Variants in GRIK2 observed in about 807,000 individuals in gnomAD.
GRIK2 encodes glutamate ionotropic receptor kainate type subunit 2, also known as glutamate receptor ionotropic, kainate 2.
GRIK2 carries 32 observed loss-of-function variants against 100.3 expected under a neutral mutation model. That is an observed-to-expected ratio of 0.32 (90% CI 0.24 to 0.43). GRIK2 has a LOEUF of 0.43. Among genes scored for constraint, GRIK2 ranks in the 20% least tolerant of loss-of-function variants. The pLI is 1.00. For synonymous variants in GRIK2, 417 were observed against 389.4 expected (o/e 1.07, Z -0.83); for missense variants, 843 against 1,114.9 (o/e 0.76, Z 3.47).
chr6:101,677,784 A>T (rs1482917885), intron 5 of GRIK2, among the ~76,000 whole-genome samples: 1 of 152,150 alleles, frequency 6.6e-6, no homozygotes, highest in Admixed American at 6.5e-5. Context: ...TCAGATGTCA[A>T]ATTATATCCC....
intron 7 of GRIK2, among the ~76,000 whole-genome samples, chr6:101,747,544 C>A (rs1263049381): frequency 6.6e-6 from 1 of 152,004 alleles, no homozygotes; most frequent in Non-Finnish European, 1.5e-5. Context: ...TAATTAATAT[C>A]TGAATTTTTG....
chr6:101,793,199 C>A (rs1475455382), intron 7 of GRIK2, among the ~76,000 whole-genome samples: 3 of 152,198 alleles, frequency 2.0e-5, no homozygotes, highest in African/African-American at 7.2e-5. Context: ...AAGCCTTCTT[C>A]TCTCAACTTG....
chr6:102,019,244 C>T (rs904828119), intron 14 of GRIK2, among the ~76,000 whole-genome samples: 2 of 151,988 alleles, frequency 1.3e-5, no homozygotes, highest in Non-Finnish European at 2.9e-5. Context: ...AACATGGTAT[C>T]TTTTAGATGG....
At chr6:101,736,277 G>C (rs1775626015) in intron 7 of GRIK2, among the ~76,000 whole-genome samples, 1 of 152,280 alleles carries the variant, frequency 6.6e-6, no homozygotes, top group South Asian at 2.1e-4. Flanking sequence ...GAGGATGGTG[G>C]CCCTTTTCTC....
intron 16 of GRIK2, among the ~76,000 whole-genome samples, chr6:102,058,290 G>A (rs977290029): frequency 4.0e-5 from 6 of 151,548 alleles, no homozygotes; most frequent in African/African-American, 1.5e-4. Context: ...TTTTTTGTTT[G>A]TATCTCCAAG....
intron 2 of GRIK2, among the ~76,000 whole-genome samples, chr6:101,607,562 AG>A: frequency 6.6e-6 from 1 of 152,106 alleles, no homozygotes; most frequent in Non-Finnish European, 1.5e-5. Flanking sequence ...GCTCCCAGCT[AG>A]GGAGTTATTT....
intron 2 of GRIK2, among the ~76,000 whole-genome samples, chr6:101,526,132 T>A (rs1775143970): frequency 6.6e-6 from 1 of 152,206 alleles, no homozygotes; most frequent in South Asian, 2.1e-4. Flanking sequence ...TCAGTGCAGA[T>A]GGCTCACTGT....
intron 2 of GRIK2, among the ~76,000 whole-genome samples, chr6:101,482,416 C>T (rs1359651536): frequency 3.3e-5 from 5 of 152,082 alleles, no homozygotes; most frequent in African/African-American, 1.2e-4. Context: ...TGGGGATCCA[C>T]ACTGGGCAGT....
chr6:101,698,440 A>T (rs2128350724), intron 7 of GRIK2, among the ~76,000 whole-genome samples: 1 of 152,226 alleles, frequency 6.6e-6, no homozygotes, highest in Admixed American at 6.6e-5. Context: ...ATGCAGAGGA[A>T]ATATTATGTT....
At chr6:101,898,242 A>G (rs1275856165) in intron 12 of GRIK2, among the ~76,000 whole-genome samples, 1 of 151,880 alleles carries the variant, frequency 6.6e-6, no homozygotes, top group Non-Finnish European at 1.5e-5. Flanking sequence ...ATTTTAACTT[A>G]TTATGAAGAA....
At chr6:101,478,506 G>T (rs200846177) in intron 2 of GRIK2, among the ~76,000 whole-genome samples, 59 of 119,548 alleles carry the variant, frequency 4.9e-4, no homozygotes, top group East Asian at 3.9e-3. Flanking sequence ...TTCTGTTTTG[G>T]TTTTTTTTTT....
chr6:101,744,866 C>A (rs752976343), intron 7 of GRIK2: 2 of 152,158 alleles, frequency 1.3e-5, no homozygotes, highest in East Asian at 3.9e-4. Context: ...CAGGCAAGAG[C>A]CACTGCACCT....
At chr6:101,993,739 C>A (rs2128492893) in intron 14 of GRIK2, 1 of 149,068 alleles carries the variant, frequency 6.7e-6, no homozygotes, top group East Asian at 2.0e-4. Flanking sequence ...ATAGTTAAAT[C>A]TATTATACTT....
chr6:101,818,576 G>T, intron 10 of GRIK2, 93 bp downstream of exon 10: 2 of 697,316 alleles, frequency 2.9e-6, no homozygotes, highest in Non-Finnish European at 5.1e-6. Context: ...GCAATGAACA[G>T]AATGTATTTT....
At chr6:101,467,949 G>C (rs1308684924) in intron 2 of GRIK2, among the ~76,000 whole-genome samples, 1 of 147,600 alleles carries the variant, frequency 6.8e-6, no homozygotes, top group South Asian at 2.1e-4. Flanking sequence ...TTTTAATCTG[G>C]CAAGGATGTA....
intron 14 of GRIK2, among the ~76,000 whole-genome samples, chr6:102,018,146 ATGTAGTG>A (rs1204330593): frequency 6.6e-6 from 1 of 152,036 alleles, no homozygotes; most frequent in Non-Finnish European, 1.5e-5. Context: ...GCTATTAATA[ATGTAGTG>A]GGAAGATATA....
At chr6:101,642,375 T>C (rs1781313342) in intron 4 of GRIK2, among the ~76,000 whole-genome samples, 1 of 151,764 alleles carries the variant, frequency 6.6e-6, no homozygotes, top group Non-Finnish European at 1.5e-5. Context: ...AACTTTTGTA[T>C]GCACTAAACA....
At chr6:101,434,330 C>T (rs2128244065) in intron 2 of GRIK2, among the ~76,000 whole-genome samples, 1 of 152,258 alleles carries the variant, frequency 6.6e-6, no homozygotes, top group Middle Eastern at 3.4e-3. Flanking sequence ...AGTTCTCATA[C>T]AAGTCTCTCT....
Position 101,490,737 on chromosome 6 carries a change from G to T in GRIK2, c.115+91345G>T, listed in dbSNP as rs1273221669. ...TTGGCCTGCCCTGGGTTTAACTCTT[G>T]TAACAAAGAAACCAATAGCACAACT... is the stretch of plus-strand genomic sequence containing the variant. On this transcript the variant is annotated intron_variant, in intron 2 of 16. Coordinates refer to ENST00000369134, the MANE Select transcript of GRIK2 (RefSeq NM_021956.5). 5.5e-5 allele frequency among the ~76,000 whole-genome samples: 8 copies of T among 146,584 alleles called. 1 individual carries two copies. The highest frequency in any genetic ancestry group is 4.8e-4 in the Admixed American group (7 of 14,692).
Sources: gnomAD v4.1 joint callset for allele counts (sites outside exome capture counted in the v4.1 genomes callset) on GRCh38, gnomAD v4.1.1 for gene constraint, MANE v1.5 for transcripts, NCBI Gene and HGNC (gene_info 2026-07-23, HGNC 2026-07-21) for gene names.